Variants in ATG10 observed in about 807,000 individuals in gnomAD.
The protein encoded by ATG10 is autophagy related 10.
In ATG10, 30 loss-of-function variants were observed where a neutral mutation model predicts 32.1. That is an observed-to-expected ratio of 0.94 (90% CI 0.70 to 1.27). The LOEUF (loss-of-function observed/expected upper bound fraction) is 1.27. ATG10 is among the 50% of genes most tolerant of loss of function. The probability of loss-of-function intolerance (pLI) is 0.00; values close to 1 mark genes in which losing one functional copy is unlikely to be tolerated. For missense variants in ATG10, 233 were observed against 262.3 expected, an observed-to-expected ratio of 0.89 and a Z score of 0.77; for synonymous variants, 87 against 91.5, an observed-to-expected ratio of 0.95 and a Z score of 0.28.
At chr5:82,035,093 G>A (rs1487173279) in intron 2 of ATG10, among the ~76,000 whole-genome samples, 1 of 152,062 alleles carries the variant, frequency 6.6e-6, no homozygotes. Context: ...TGCATTTTTA[G>A]TAGAGACAGG....
chr5:81,978,229 C>A (rs1324824728), intron 1 of ATG10, among the ~76,000 whole-genome samples: 3 of 152,074 alleles, frequency 2.0e-5, no homozygotes, highest in Non-Finnish European at 4.4e-5. Flanking sequence ...GCCACCACGC[C>A]CAGCTAATTT....
chr5:82,108,091 CT>C (rs1184520958), intron 3 of ATG10, among the ~76,000 whole-genome samples: 1 of 151,932 alleles, frequency 6.6e-6, no homozygotes, highest in Non-Finnish European at 1.5e-5. Context: ...GTGCTAAGTG[CT>C]TTTGAGTTTA....
At chr5:82,139,433 TGAG>T (rs1376927304) in intron 3 of ATG10, among the ~76,000 whole-genome samples, 3 of 139,492 alleles carry the variant, frequency 2.2e-5, no homozygotes, top group Non-Finnish European at 4.7e-5. Flanking sequence ...ATCTAGGAAG[TGAG>T]GAGCGTCTCT....
At chr5:82,094,777 A>C (rs1764999254) in intron 3 of ATG10, among the ~76,000 whole-genome samples, 1 of 152,160 alleles carries the variant, frequency 6.6e-6, no homozygotes, top group African/African-American at 2.4e-5. Context: ...TAGTTGTTAA[A>C]TATATGCATG....
intron 1 of ATG10, among the ~76,000 whole-genome samples, chr5:81,982,678 G>T (rs1761089073): frequency 6.6e-6 from 1 of 152,134 alleles, no homozygotes; most frequent in Non-Finnish European, 1.5e-5. Context: ...GTGAACAAAG[G>T]TCTCTGGTTT....
At chr5:82,124,608 T>C (rs1766185282) in intron 3 of ATG10, among the ~76,000 whole-genome samples, 1 of 152,058 alleles carries the variant, frequency 6.6e-6, no homozygotes, top group Non-Finnish European at 1.5e-5. Context: ...TTTATCCATG[T>C]CCCTACAAAG....
intron 2 of ATG10, among the ~76,000 whole-genome samples, chr5:82,004,579 T>C (rs1214579050): frequency 6.6e-6 from 1 of 152,240 alleles, no homozygotes; most frequent in Non-Finnish European, 1.5e-5. Flanking sequence ...TTTCTAGGAT[T>C]AAACACTGGG....
chr5:82,045,036 C>G (rs937095848), intron 2 of ATG10, among the ~76,000 whole-genome samples: 2 of 152,182 alleles, frequency 1.3e-5, no homozygotes, highest in Non-Finnish European at 2.9e-5. Flanking sequence ...TATCCTATCC[C>G]TGTAGTGTGG....
chr5:82,143,588 G>A (rs1767233222), intron 3 of ATG10, among the ~76,000 whole-genome samples: 1 of 152,226 alleles, frequency 6.6e-6, no homozygotes, highest in Non-Finnish European at 1.5e-5. Flanking sequence ...GGTCTTGGAT[G>A]AATAATGTTT....
intron 5 of ATG10, among the ~76,000 whole-genome samples, chr5:82,181,735 T>C (rs1744245708): frequency 6.6e-6 from 1 of 152,122 alleles, no homozygotes; most frequent in Admixed American, 6.6e-5. Flanking sequence ...TAAAATGCAT[T>C]TCACTTCATT....
chr5:82,010,000 T>C, intron 2 of ATG10: 1 of 1,610,586 alleles, frequency 6.2e-7, no homozygotes, highest in Non-Finnish European at 8.5e-7. Flanking sequence ...TTTTCTGCTG[T>C]CTTTGGGACC....
chr5:82,203,321 C>T (rs1745149224), intron 5 of ATG10, among the ~76,000 whole-genome samples: 1 of 152,020 alleles, frequency 6.6e-6, no homozygotes, highest in Non-Finnish European at 1.5e-5. Flanking sequence ...TTTACCCTCC[C>T]TGCACAGTTC....
At chr5:82,139,296 G>A (rs1172552344) in intron 3 of ATG10, among the ~76,000 whole-genome samples, 1 of 150,460 alleles carries the variant, frequency 6.6e-6, no homozygotes, top group Admixed American at 6.6e-5. Flanking sequence ...TCTCTGCCTG[G>A]CCGCCCATTG....
chr5:82,016,264 G>A (rs900160849), intron 2 of ATG10, among the ~76,000 whole-genome samples: 2 of 152,112 alleles, frequency 1.3e-5, no homozygotes, highest in Admixed American at 6.5e-5. Context: ...TATAAGGTGA[G>A]AGAGAGGCGA....
chr5:81,993,344 T>TTTCC (rs1761526961), intron 2 of ATG10, among the ~76,000 whole-genome samples: 17 of 39,334 alleles, frequency 4.3e-4, no homozygotes, highest in East Asian at 3.1e-3. Flanking sequence ...TCCTTCTTTC[T>TTTCC]TTCTTTCTTT....
chr5:82,240,900 A>G (rs55806516), intron 5 of ATG10, among the ~76,000 whole-genome samples: 7 of 152,110 alleles, frequency 4.6e-5, no homozygotes, highest in Non-Finnish European at 7.4e-5. Context: ...AAATTTAAAC[A>G]CAAATAACAA....
chr5:82,192,957 T>C (rs1047511500), intron 5 of ATG10, among the ~76,000 whole-genome samples: 49 of 152,188 alleles, frequency 3.2e-4, no homozygotes, highest in African/African-American at 9.9e-4. Context: ...AATTCTCTGG[T>C]AGTAAAATTT....
At chr5:82,014,520 G>T (rs1762223322) in intron 2 of ATG10, among the ~76,000 whole-genome samples, 1 of 152,022 alleles carries the variant, frequency 6.6e-6, no homozygotes, top group South Asian at 2.1e-4. Context: ...CTCCTGTATT[G>T]GGTGCCTATA....
At chr5:82,206,098 T>A (rs890746985) in intron 5 of ATG10, among the ~76,000 whole-genome samples, 1 of 152,134 alleles carries the variant, frequency 6.6e-6, no homozygotes, top group African/African-American at 2.4e-5. Flanking sequence ...GTGATTCTTG[T>A]ATTGATAAGT....
Sources: gnomAD v4.1 joint callset for allele counts (sites outside exome capture counted in the v4.1 genomes callset) on GRCh38, gnomAD v4.1.1 for gene constraint, MANE v1.5 for transcripts, NCBI Gene and HGNC (gene_info 2026-07-23, HGNC 2026-07-21) for gene names.